The following VAPA variants were observed in gnomAD, a reference collection of about 807,000 sequenced individuals.
VAPA encodes vesicle-associated membrane protein-associated protein A.
In VAPA, 6 loss-of-function variants were observed where a neutral mutation model predicts 25.6. That is an observed-to-expected ratio of 0.23 (90% CI 0.13 to 0.46). The LOEUF is 0.46. VAPA is among the 20% of genes least tolerant of loss of function. VAPA has a pLI of 0.99. For missense variants in VAPA, 244 were observed against 302.1 expected (o/e 0.81, Z 1.43); for synonymous variants, 112 against 106.2 (o/e 1.05, Z -0.34).
At chr18:9,943,927 C>A (rs1436414349) in intron 4 of VAPA, among the ~76,000 whole-genome samples, 1 of 123,396 alleles carries the variant, frequency 8.1e-6, no homozygotes, top group African/African-American at 3.1e-5. Context: ...GTGGCGCGAT[C>A]TCGGCTCACT....
At chr18:9,915,138 C>G (rs1048663593) in intron 1 of VAPA, 1 of 152,328 alleles carries the variant, frequency 6.6e-6, no homozygotes, top group Non-Finnish European at 1.5e-5. Flanking sequence ...GGCTTCCTGC[C>G]TTCTACGACA....
chr18:9,935,411 A>T (rs185657986), intron 2 of VAPA, among the ~76,000 whole-genome samples: 79 of 152,280 alleles, frequency 5.2e-4, no homozygotes, highest in Non-Finnish European at 7.9e-4. Flanking sequence ...TTTCTCTACA[A>T]AAAAATACAA....
At chr18:9,953,522 G>C (rs2089368020) in intron 5 of VAPA, among the ~76,000 whole-genome samples, 1 of 152,126 alleles carries the variant, frequency 6.6e-6, no homozygotes, top group South Asian at 2.1e-4. Flanking sequence ...TTTACGGCAA[G>C]AACACCCTTT....
chr18:9,941,785 G>A (rs550819605), intron 4 of VAPA, among the ~76,000 whole-genome samples: 4 of 152,196 alleles, frequency 2.6e-5, no homozygotes, highest in Non-Finnish European at 4.4e-5. Context: ...ATAAAATGCT[G>A]TATGATGCTG....
rs187372499 is a variant in VAPA, at chr18:9,936,834, G to A, written c.337-152G>A. The A allele has an allele frequency of 1.2e-4, 68 of 585,332 alleles. No homozygotes were observed. The East Asian group carries it at 1.5e-3, about 13-fold the overall frequency. The allele number at this position is 585,332 out of a possible 1,614,324, so 36.3% of individuals were successfully genotyped here. ...ATATAAAGGTTCTGTGACATTAGCC[G>A]ATAACAATGGCAGGGTGATCAATAA... On this transcript the variant is annotated intron_variant, in intron 3 of 5. Coordinates refer to ENST00000400000, the MANE Select transcript of VAPA (RefSeq NM_194434.3).
At chr18:9,928,215 G>C (rs1425751566) in intron 1 of VAPA, among the ~76,000 whole-genome samples, 1 of 152,070 alleles carries the variant, frequency 6.6e-6, no homozygotes, top group Admixed American at 6.6e-5. Flanking sequence ...AATTGCATCA[G>C]ATGTTCACTT....
At chr18:9,917,360 G>A in intron 1 of VAPA, among the ~76,000 whole-genome samples, 1 of 151,582 alleles carries the variant, frequency 6.6e-6, no homozygotes, top group East Asian at 1.9e-4. Flanking sequence ...GCTCGATCTC[G>A]GCTCATTGCA....
rs184125148 is a variant in VAPA at position 9,921,784 on chromosome 18, A to G, written c.79+7449A>G. On this transcript the variant is annotated intron_variant, in intron 1 of 5. Transcript: ENST00000400000. Reference sequence around the variant, plus strand: ...TTGCAAATGCTTGTTTACTGGTTTAATTCATTTTATAACTGAAATGTGACT... The same window carrying G: ...TTGCAAATGCTTGTTTACTGGTTTAGTTCATTTTATAACTGAAATGTGACT... 2.0e-5 allele frequency among the ~76,000 whole-genome samples: 3 copies of G among 152,296 alleles called. No homozygotes were observed. In the East Asian group the frequency reaches 5.8e-4, roughly 29 times the overall value.
At chr18:9,931,696 C>G in intron 1 of VAPA, 114 bp from the exon 2 acceptor site, 1 of 832,424 alleles carries the variant, frequency 1.2e-6, no homozygotes, top group Non-Finnish European at 1.8e-6. Flanking sequence ...GATATTTATG[C>G]CTACAAATGT....
In VAPA at chr18:9,957,903, G is replaced by GT. The variant is rs1470528971; in HGVS notation, c.*3693dup. On this transcript the variant is annotated 3_prime_UTR_variant, in exon 6 of 6. Coordinates refer to ENST00000400000, the MANE Select transcript of VAPA (RefSeq NM_194434.3). ...GCCACGTTTCATAGCCCCACTTTTG[G>GT]TAGACTACCACCACGCTTCTTCGCG... is the stretch of plus-strand genomic sequence containing the variant. The GT allele has an allele frequency of 6.6e-6, 1 of 152,208 alleles. No individual in the cohort carries two copies. The highest frequency in any genetic ancestry group is 1.5e-5 in the Non-Finnish European group (1 of 68,032). The allele number at this position is 152,208 out of a possible 1,614,324, so 9.4% of individuals were successfully genotyped here.
At chr18:9,933,542 ATTCT>A (rs756265454) in intron 2 of VAPA, among the ~76,000 whole-genome samples, 1 of 152,164 alleles carries the variant, frequency 6.6e-6, no homozygotes. Context: ...AGAAGAGAGA[ATTCT>A]TTCTTTTTTG....
chr18:9,914,473 C>T (rs1170066138), intron 1 of VAPA, 138 bp downstream of exon 1: 7 of 691,160 alleles, frequency 1.0e-5, no homozygotes, highest in Non-Finnish European at 1.5e-5. Flanking sequence ...CTTCCCTTTC[C>T]CGGCTGCTTT....
intron 5 of VAPA, among the ~76,000 whole-genome samples, chr18:9,952,683 A>G (rs1047264956): frequency 2.0e-5 from 3 of 152,016 alleles, no homozygotes; most frequent in African/African-American, 7.3e-5. Context: ...TCTGTTCACT[A>G]TCCCTTTTAA....
Position 9,957,924 on chromosome 18 carries a change from T to A in VAPA, c.*3713T>A, listed in dbSNP as rs1322458329. On this transcript the variant is annotated 3_prime_UTR_variant, in exon 6 of 6. Coordinates refer to ENST00000400000, the MANE Select transcript of VAPA (RefSeq NM_194434.3). Reference sequence around the variant, plus strand: ...TTTGGTAGACTACCACCACGCTTCTTCGCGTAAGCAGTGGCATCTTGGGAA... The same window carrying A: ...TTTGGTAGACTACCACCACGCTTCTACGCGTAAGCAGTGGCATCTTGGGAA... 1.3e-5 allele frequency: 2 copies of A among 152,226 alleles called. No individual in the cohort carries two copies. Among genetic ancestry groups the A allele is most frequent in the African/African-American group, 4.8e-5 (2 of 41,466 alleles). 9.4% of individuals were successfully genotyped at this position (152,226 alleles called of 1,614,324 possible).
chr18:9,943,841 C>CTTTT lies in VAPA; in HGVS notation c.418-6520_418-6517dup, dbSNP rs71169911. Among the ~76,000 whole-genome samples the CTTTT allele has an allele frequency of 2.6e-3, 137 of 51,770 alleles. 45 individuals are homozygous for CTTTT. Among genetic ancestry groups the CTTTT allele is most frequent in the Non-Finnish European group, 4.3e-3 (115 of 26,572 alleles). 34.0% of individuals were successfully genotyped at this position (51,770 alleles called of 152,430 possible). A position where few individuals can be genotyped will look rare whatever the true frequency, so the allele number is the denominator to read the frequency against. On this transcript the variant is annotated intron_variant, in intron 4 of 5. Coordinates refer to ENST00000400000, the MANE Select transcript of VAPA (RefSeq NM_194434.3). ...TGACATTTGAAGGTGACATATTTCC[C>CTTTT]TTTTTTTTTTTTTTTTTTTTTTTTT...
At chr18:9,925,243 CTGATTGTATAATA>C (rs924546408) in intron 1 of VAPA, among the ~76,000 whole-genome samples, 4 of 151,920 alleles carry the variant, frequency 2.6e-5, no homozygotes, top group African/African-American at 4.8e-5. Context: ...TATGGATAAA[CTGATTGTATAATA>C]TGATTGTATA....
At chr18:9,949,443 T>G (rs1436390932) in intron 4 of VAPA, 3 of 152,230 alleles carry the variant, frequency 2.0e-5, no homozygotes, top group Non-Finnish European at 4.4e-5. Context: ...TGTTTATACT[T>G]AATATAAAAT....
At chr18:9,948,866 C>T (rs986531166) in intron 4 of VAPA, 1 of 152,230 alleles carries the variant, frequency 6.6e-6, no homozygotes, top group Non-Finnish European at 1.5e-5. Flanking sequence ...TGCCCTGCTT[C>T]ATCCTCTTTA....
intron 4 of VAPA, among the ~76,000 whole-genome samples, chr18:9,941,976 A>C (rs1263530908): frequency 6.6e-6 from 1 of 152,218 alleles, no homozygotes; most frequent in Non-Finnish European, 1.5e-5. Flanking sequence ...ATTCTTTGAG[A>C]TCTTTTGACC....
Sources: allele counts gnomAD v4.1 joint callset (sites outside exome capture counted in the v4.1 genomes callset), GRCh38; gene constraint gnomAD v4.1.1; transcripts MANE v1.5; gene names NCBI Gene and HGNC (gene_info 2026-07-23, HGNC 2026-07-21).